The following USH2A variants were observed in gnomAD, a reference collection of about 807,000 sequenced individuals.
USH2A encodes Usher syndrome 2A (autosomal recessive, mild).
USH2A carries 443 observed loss-of-function variants against 538.9 expected under a neutral mutation model. The ratio of observed to expected loss-of-function variants is 0.82; its 90% CI spans 0.76 to 0.89. The LOEUF (loss-of-function observed/expected upper bound fraction) is 0.89, where lower values mean the gene tolerates loss of function less well. Among genes scored for constraint, USH2A ranks in the 40% least tolerant of loss-of-function variants. USH2A has a pLI of 0.00. For synonymous variants in USH2A, 2,413 were observed against 2,273.5 expected (o/e 1.06, Z -1.75); for missense variants, 6,633 against 6,324.8 (o/e 1.05, Z -1.65).
At chr1:216,039,918 C>A (rs1571909579) in intron 32 of USH2A, among the ~76,000 whole-genome samples, 1 of 152,008 alleles carries the variant, frequency 6.6e-6, no homozygotes, top group South Asian at 2.1e-4. Flanking sequence ...AAAGTTTTAG[C>A]ACTTTTAGTT....
At chr1:215,722,387 T>G (rs1659688863) in intron 61 of USH2A, among the ~76,000 whole-genome samples, 1 of 152,292 alleles carries the variant, frequency 6.6e-6, no homozygotes, top group Middle Eastern at 3.4e-3. Flanking sequence ...GAAACTAATT[T>G]AAGATCATAT....
chr1:215,849,754 T>G (rs912556931), intron 44 of USH2A, among the ~76,000 whole-genome samples: 2 of 152,158 alleles, frequency 1.3e-5, no homozygotes, highest in African/African-American at 4.8e-5. Context: ...TCAGATAAGC[T>G]TCAAACTTCT....
intron 21 of USH2A, among the ~76,000 whole-genome samples, chr1:216,148,036 C>A (rs2102617259): frequency 6.7e-6 from 1 of 150,026 alleles, no homozygotes; most frequent in Middle Eastern, 3.4e-3. Context: ...GCCCGATCGC[C>A]TCGGAAGCCC....
At chr1:215,702,721 T>C (rs752069797) in intron 61 of USH2A, among the ~76,000 whole-genome samples, 138 of 152,150 alleles carry the variant, frequency 9.1e-4, no homozygotes, top group Non-Finnish European at 1.7e-3. Context: ...TAACCTTTTT[T>C]TTCAAGGTTC....
At chr1:215,749,872 T>C (rs1318957752) in intron 58 of USH2A, among the ~76,000 whole-genome samples, 1 of 152,214 alleles carries the variant, frequency 6.6e-6, no homozygotes. Context: ...AATGCTCCTT[T>C]TCATAATTTA....
At chr1:216,268,050 T>C (rs1208409679) in intron 11 of USH2A, among the ~76,000 whole-genome samples, 1 of 152,076 alleles carries the variant, frequency 6.6e-6, no homozygotes, top group Non-Finnish European at 1.5e-5. Flanking sequence ...CCCTGTGAGG[T>C]ATTATACTTC....
intron 55 of USH2A, among the ~76,000 whole-genome samples, chr1:215,772,061 G>A (rs996213939): frequency 2.0e-5 from 3 of 152,044 alleles, no homozygotes; most frequent in Non-Finnish European, 2.9e-5. Context: ...TCATATATAC[G>A]ACTCTGTAAA....
intron 47 of USH2A, among the ~76,000 whole-genome samples, chr1:215,829,626 G>C (rs955034376): frequency 6.6e-6 from 1 of 152,142 alleles, no homozygotes; most frequent in African/African-American, 2.4e-5. Context: ...TAACTAACAA[G>C]TATACATTGC....
chr1:215,754,731 C>G lies in USH2A; in HGVS notation c.11389+3864G>C, dbSNP rs1028355741. 3.9e-5 allele frequency among the ~76,000 whole-genome samples: 6 copies of G among 152,184 alleles called. 1 individual carries two copies. The highest frequency in any genetic ancestry group is 1.4e-4 in the African/African-American group (6 of 41,444). On this transcript the variant is annotated intron_variant, in intron 58 of 71. Coordinates refer to ENST00000307340, the MANE Select transcript of USH2A (RefSeq NM_206933.4). ...TTTTGAATTTATGTTGGGTGGCATT[C>G]AAAGCCATCCTGGGCTTTAGGTTGG... is the stretch of plus-strand genomic sequence containing the variant.
At position 216,098,228 on chromosome 1, in the gene USH2A, T is replaced by C. The variant is rs369522419; in HGVS notation, c.4628-1015A>G. The stretch of plus-strand genomic sequence containing the variant: ...TCTTGCCCTGTATAAGGCTTTTTGC[T>C]TAATGCATTAAAACTGGTAAGAGAC... On this transcript the variant is annotated intron_variant, in intron 21 of 71. Transcript: ENST00000307340. Among the ~76,000 whole-genome samples, 14 of 152,352 alleles carry C rather than the reference T, an allele frequency of 9.2e-5. 1 individual carries two copies. The highest frequency in any genetic ancestry group is 4.1e-4 in the South Asian group (2 of 4,830).
intron 3 of USH2A, among the ~76,000 whole-genome samples, chr1:216,392,055 A>C (rs2039118948): frequency 6.6e-6 from 1 of 152,168 alleles, no homozygotes; most frequent in Admixed American, 6.5e-5. Flanking sequence ...AATAGACCTA[A>C]ATGGGTAGAT....
At chr1:216,343,056 A>G (rs1291394692) in intron 4 of USH2A, among the ~76,000 whole-genome samples, 1 of 152,068 alleles carries the variant, frequency 6.6e-6, no homozygotes, top group African/African-American at 2.4e-5. Context: ...ATAAAAACAA[A>G]TCAAGTTATT....
intron 20 of USH2A, among the ~76,000 whole-genome samples, chr1:216,182,622 T>G (rs1477235928): frequency 6.6e-6 from 1 of 152,112 alleles, no homozygotes. Context: ...AGCATTTCAC[T>G]CTGAACAGAT....
intron 30 of USH2A, among the ~76,000 whole-genome samples, chr1:216,063,286 C>T (rs575171959): frequency 1.9e-3 from 282 of 152,308 alleles, no homozygotes; most frequent in Non-Finnish European, 3.2e-3. Context: ...TTTATCAGCT[C>T]CTTCCATCTC....
chr1:215,675,528 T>C lies in USH2A; in HGVS notation c.12383A>G (p.Tyr4128Cys), dbSNP rs2102667066. 1 of 1,613,858 alleles carries C rather than the reference T, an allele frequency of 6.2e-7. No individual in the cohort carries two copies. Among genetic ancestry groups the C allele is most frequent in the Non-Finnish European group, 8.5e-7 (1 of 1,179,974 alleles). ...LFRRLDPFTL[Y>C]TLTLEACTRA... ...GGTGCAGGCCTCCAGGGTCAGTGTGTAGAGAGTGAAAGGATCCAGGCGGCG... is the reference window on the plus strand; with the variant it reads ...GGTGCAGGCCTCCAGGGTCAGTGTGCAGAGAGTGAAAGGATCCAGGCGGCG... The change falls in exon 63 of 72, where the codon TAC becomes TGC. Residue 4128 changes from tyrosine to cysteine, a missense_variant. Coordinates refer to ENST00000307340, the MANE Select transcript of USH2A (RefSeq NM_206933.4).
At chr1:215,670,676 G>C (rs370673771) in intron 64 of USH2A, among the ~76,000 whole-genome samples, 1 of 152,086 alleles carries the variant, frequency 6.6e-6, no homozygotes, top group Non-Finnish European at 1.5e-5. Flanking sequence ...CCAAGGCAAC[G>C]CTGACAGAGG....
intron 4 of USH2A, among the ~76,000 whole-genome samples, chr1:216,346,918 A>G (rs1302387880): frequency 6.6e-6 from 1 of 152,060 alleles, no homozygotes; most frequent in Non-Finnish European, 1.5e-5. Flanking sequence ...TCGGTTTAAA[A>G]ATAATAAGTG....
chr1:215,888,823 G>A lies in USH2A; in HGVS notation c.7826C>T (p.Ser2609Phe). Reference sequence around the variant, plus strand: ...TACAGTCTGGGACTCTGGTGAAAGGGAACATCCTTTTGAAGTGCAGGCTTC... The same window carrying A: ...TACAGTCTGGGACTCTGGTGAAAGGAAACATCCTTTTGAAGTGCAGGCTTC... ...QVEACTSKGCSLSPESQTVWT... is the reference protein window; with the variant it reads ...QVEACTSKGCFLSPESQTVWT... The change falls in exon 41 of 72, where the codon TCC becomes TTC. Residue 2609 changes from serine (S) to phenylalanine (F), a missense_variant. Ser to Phe is a radical substitution (Grantham distance 155, BLOSUM62 -2). Transcript: ENST00000307340. 6.2e-7 allele frequency: 1 copy of A among 1,614,114 alleles called. No individual in the cohort carries two copies. The highest frequency in any genetic ancestry group is 8.5e-7 in the Non-Finnish European group (1 of 1,179,994).
chr1:215,971,120 A>T (rs539043849), intron 35 of USH2A, among the ~76,000 whole-genome samples: 118 of 152,302 alleles, frequency 7.7e-4, no homozygotes, highest in South Asian at 2.1e-3. Context: ...CTAAAAGAAG[A>T]TATTCTTAAT....
Sources: allele counts gnomAD v4.1 joint callset (sites outside exome capture counted in the v4.1 genomes callset), GRCh38; gene constraint gnomAD v4.1.1; transcripts MANE v1.5; gene names NCBI Gene and HGNC (gene_info 2026-07-23, HGNC 2026-07-21).